The following TNFAIP6 variants were observed in gnomAD, a reference collection of about 807,000 sequenced individuals.
TNFAIP6 encodes the protein tumor necrosis factor-inducible gene 6 protein.
A neutral mutation model predicts 33.7 loss-of-function variants in TNFAIP6; 36 were observed. The ratio of observed to expected loss-of-function variants is 1.07; its 90% CI spans 0.82 to 1.41. The LOEUF is 1.41. Among genes scored for constraint, TNFAIP6 ranks in the 40% most tolerant of loss-of-function variants. The pLI is 0.00. For synonymous variants in TNFAIP6, 113 were observed against 112.8 expected, an observed-to-expected ratio of 1.00 and a Z score of -0.01; for missense variants, 273 against 331.9, an observed-to-expected ratio of 0.82 and a Z score of 1.38.
intron 2 of TNFAIP6, among the ~76,000 whole-genome samples, chr2:151,364,477 C>G (rs1411984553): frequency 6.6e-6 from 1 of 152,080 alleles, no homozygotes; most frequent in Non-Finnish European, 1.5e-5. Context: ...AGGAAATTTA[C>G]TTGGTAGAGA....
At chr2:151,364,794 AG>A in intron 2 of TNFAIP6, among the ~76,000 whole-genome samples, 1 of 152,322 alleles carries the variant, frequency 6.6e-6, no homozygotes, top group Admixed American at 6.5e-5. Context: ...ACATTACTCA[AG>A]AAAAAAAATA....
intron 3 of TNFAIP6, among the ~76,000 whole-genome samples, chr2:151,368,904 A>G (rs1254061694): frequency 6.6e-6 from 1 of 152,212 alleles, no homozygotes; most frequent in Non-Finnish European, 1.5e-5. Context: ...CAAAATACAT[A>G]GACATAGGCC....
intron 5 of TNFAIP6, chr2:151,373,797 T>C (rs999813617): frequency 6.3e-6 from 2 of 318,548 alleles, no homozygotes; most frequent in Admixed American, 4.9e-5. Flanking sequence ...CTAAAAAATG[T>C]ATAAACTCTT....
chr2:151,377,729 TC>T (rs1684941176), intron 5 of TNFAIP6, among the ~76,000 whole-genome samples: 1 of 152,228 alleles, frequency 6.6e-6, no homozygotes, highest in Non-Finnish European at 1.5e-5. Flanking sequence ...CTTTTGTCTT[TC>T]TCTTTTTTAT....
chr2:151,373,682 A>G, intron 5 of TNFAIP6, 93 bp downstream of exon 5: 1 of 629,402 alleles, frequency 1.6e-6, no homozygotes, highest in Non-Finnish European at 2.5e-6. Context: ...AATAGTAGTT[A>G]TTATTCACTT....
downstream of TNFAIP6, among the ~76,000 whole-genome samples, chr2:151,380,294 T>A (rs1325602092): frequency 2.0e-5 from 3 of 152,270 alleles, no homozygotes; most frequent in East Asian, 5.8e-4. Context: ...CTCTATTGAT[T>A]TGTTAGAAAT....
downstream of TNFAIP6, among the ~76,000 whole-genome samples, chr2:151,380,525 C>T (rs1486161948): frequency 6.6e-6 from 1 of 152,068 alleles, no homozygotes; most frequent in Non-Finnish European, 1.5e-5. Flanking sequence ...CTTTTATTTG[C>T]AATTCTAGAA....
chr2:151,379,532 A>AT lies in TNFAIP6; in HGVS notation c.833_834insT (p.Ter278TyrfsTer36). ...TTAGCTGGAAGATTTAGCCACTTAT[A>AT]AAAAAAAAAAAAAGGATGATCAAAA... On this transcript the variant is annotated frameshift_variant and stop_lost, in exon 6 of 6. Coordinates refer to ENST00000243347, the MANE Select transcript of TNFAIP6 (RefSeq NM_007115.4). LOFTEE classifies it high-confidence loss of function. 2.6e-5 allele frequency: 2 copies of AT among 76,198 alleles called. No individual in the cohort carries two copies. Among genetic ancestry groups the AT allele is most frequent in the South Asian group, 5.6e-4 (1 of 1,772 alleles). 4.7% of individuals were successfully genotyped at this position (76,198 alleles called of 1,614,324 possible). A position where few individuals can be genotyped will look rare whatever the true frequency, so the allele number is the denominator to read the frequency against.
At chr2:151,359,995 G>A (rs1573777255) in intron 1 of TNFAIP6, among the ~76,000 whole-genome samples, 1 of 152,140 alleles carries the variant, frequency 6.6e-6, no homozygotes, top group East Asian at 1.9e-4. Context: ...TGTTGAATCT[G>A]AAAAAGAAGG....
Position 151,364,016 on chromosome 2 carries a change from G to GGT in TNFAIP6, c.174_175dup (p.Glu59ValfsTer14). 6.2e-7 allele frequency: 1 copy of GGT among 1,614,058 alleles called. No individual in the cohort carries two copies. The highest frequency in any genetic ancestry group is 8.5e-7 in the Non-Finnish European group (1 of 1,179,996). On this transcript the variant is annotated frameshift_variant, in exon 2 of 6. Transcript: ENST00000243347. LOFTEE classifies it high-confidence loss of function. ...AGCTCACCTACGCAGAAGCTAAGGC[G>GGT]GTGTGTGAATTTGAAGGCGGCCATC...
At chr2:151,373,442 T>C (rs1684849240) in intron 4 of TNFAIP6, 107 bp from the exon 5 acceptor site, 1 of 526,340 alleles carries the variant, frequency 1.9e-6, no homozygotes. Flanking sequence ...TTAAAAATTA[T>C]GGAACAATGA....
chr2:151,367,890 G>C lies in TNFAIP6; in HGVS notation c.394+1673G>C, dbSNP rs551984227. 1.4e-3 allele frequency among the ~76,000 whole-genome samples: 212 copies of C among 151,526 alleles called. 1 individual carries two copies. The highest frequency in any genetic ancestry group is 5.0e-3 in the African/African-American group (207 of 41,370). ...AAAATAATGGCTTCACAAAAATAAA[G>C]CAATCATTATTGATTAATCAATGTC... is the stretch of plus-strand genomic sequence containing the variant. On this transcript the variant is annotated intron_variant, in intron 3 of 5. Coordinates refer to ENST00000243347, the MANE Select transcript of TNFAIP6 (RefSeq NM_007115.4).
At chr2:151,361,649 A>C (rs1207604576) in intron 1 of TNFAIP6, among the ~76,000 whole-genome samples, 2 of 152,228 alleles carry the variant, frequency 1.3e-5, no homozygotes, top group Non-Finnish European at 1.5e-5. Flanking sequence ...AAAGAAATTC[A>C]AAATATTCAC....
At chr2:151,377,184 T>C (rs541055315) in intron 5 of TNFAIP6, among the ~76,000 whole-genome samples, 10 of 151,520 alleles carry the variant, frequency 6.6e-5, no homozygotes, top group African/African-American at 2.4e-4. Context: ...TTTTCTTTTT[T>C]TTTGAGAGTG....
At chr2:151,369,234 G>C (rs925736957) in intron 3 of TNFAIP6, among the ~76,000 whole-genome samples, 1 of 152,054 alleles carries the variant, frequency 6.6e-6, no homozygotes, top group Non-Finnish European at 1.5e-5. Context: ...CAAAAGACTT[G>C]TTATGTTATG....
intron 2 of TNFAIP6, among the ~76,000 whole-genome samples, chr2:151,364,891 TG>T (rs1258729344): frequency 6.6e-6 from 1 of 151,808 alleles, no homozygotes; most frequent in Non-Finnish European, 1.5e-5. Context: ...GTAACTGGAG[TG>T]GAAGAGACAA....
chr2:151,375,596 C>T (rs1160805430), intron 5 of TNFAIP6, among the ~76,000 whole-genome samples: 1 of 151,374 alleles, frequency 6.6e-6, no homozygotes, highest in East Asian at 2.0e-4. Flanking sequence ...TAGTCCCAGC[C>T]ACTTGGGAGG....
At chr2:151,367,839 C>A (rs1190212855) in intron 3 of TNFAIP6, among the ~76,000 whole-genome samples, 1 of 150,756 alleles carries the variant, frequency 6.6e-6, no homozygotes, top group Non-Finnish European at 1.5e-5. Flanking sequence ...GAACAGCTCA[C>A]TGAAACATCA....
At position 151,359,543 on chromosome 2, in the gene TNFAIP6, C is replaced by T. The variant is rs201204441; in HGVS notation, c.94+1783C>T. On this transcript the variant is annotated intron_variant, in intron 1 of 5. Transcript: ENST00000243347. ...AGCTGGGACTACAGGCACCCGCCACCACGCCTGGCTAATTTTTTGTATTTT... is the reference window on the plus strand; with the variant it reads ...AGCTGGGACTACAGGCACCCGCCACTACGCCTGGCTAATTTTTTGTATTTT... Among the ~76,000 whole-genome samples, 12 of 152,214 alleles carry T rather than the reference C, an allele frequency of 7.9e-5. No individual in the cohort carries two copies. The East Asian group carries it at 1.5e-3, about 20-fold the overall frequency.
Sources: allele counts gnomAD v4.1 joint callset (sites outside exome capture counted in the v4.1 genomes callset), GRCh38; gene constraint gnomAD v4.1.1; transcripts MANE v1.5; gene names NCBI Gene and HGNC (gene_info 2026-07-23, HGNC 2026-07-21).